Variants in FAT1 observed in about 807,000 individuals in gnomAD.
The protein encoded by FAT1 is protocadherin Fat 1.
FAT1 carries 171 observed loss-of-function variants against 329.8 expected under a neutral mutation model. The observed-to-expected ratio is 0.52, with a 90% CI of 0.46 to 0.59. FAT1 has a LOEUF of 0.59. Ranked by LOEUF, FAT1 falls within the 20% of genes least tolerant of loss-of-function variation. FAT1 has a pLI of 0.00. For missense variants in FAT1, 5,672 were observed against 5,774.4 expected, an observed-to-expected ratio of 0.98 and a Z score of 0.57; for synonymous variants, 2,233 against 2,228.6, an observed-to-expected ratio of 1.00 and a Z score of -0.06.
intron 26 of FAT1, chr4:186,592,679 A>T (rs1242249370): frequency 2.2e-6 from 1 of 456,692 alleles, no homozygotes. Flanking sequence ...AAGCACGAGC[A>T]CTTACAACTG....
At chr4:186,610,106 T>TTA (rs1456487017) in intron 14 of FAT1, 91 bp from the exon 15 acceptor site, 1 of 740,756 alleles carries the variant, frequency 1.3e-6, no homozygotes, top group African/African-American at 1.8e-5. Context: ...TTGAGTACAT[T>TTA]TAGTTTTCAC....
chr4:186,651,432 A>G (rs541765372), intron 3 of FAT1, among the ~76,000 whole-genome samples: 1 of 152,338 alleles, frequency 6.6e-6, no homozygotes, highest in South Asian at 2.1e-4. Context: ...CATCAAGGGC[A>G]GCATTTGTCT....
intron 2 of FAT1, among the ~76,000 whole-genome samples, chr4:186,705,219 C>T (rs1744519843): frequency 6.6e-6 from 1 of 151,518 alleles, no homozygotes; most frequent in Non-Finnish European, 1.5e-5. Context: ...GCTGCGATTA[C>T]AGGCGTGAGC....
At chr4:186,667,453 T>C (rs993985880) in intron 2 of FAT1, among the ~76,000 whole-genome samples, 1 of 152,240 alleles carries the variant, frequency 6.6e-6, no homozygotes, top group Middle Eastern at 3.2e-3. Context: ...TGCTGGATGT[T>C]CCTATTTCAT....
chr4:186,698,752 C>T (rs966685982), intron 2 of FAT1, among the ~76,000 whole-genome samples: 13 of 152,156 alleles, frequency 8.5e-5, no homozygotes, highest in South Asian at 6.2e-4. Flanking sequence ...TAGGGCAATG[C>T]GGCTCCGCCA....
chr4:186,595,155 A>G (rs1033394747), intron 26 of FAT1, among the ~76,000 whole-genome samples: 6 of 152,150 alleles, frequency 3.9e-5, no homozygotes, highest in African/African-American at 1.4e-4. Flanking sequence ...AATCTCTTAA[A>G]CTGTGCTCTG....
chr4:186,641,515 G>A (rs908998394), intron 3 of FAT1, among the ~76,000 whole-genome samples: 1 of 152,146 alleles, frequency 6.6e-6, no homozygotes, highest in African/African-American at 2.4e-5. Flanking sequence ...CCACCAAGAA[G>A]TTGTGATTGA....
Position 186,620,045 on chromosome 4 carries a change from C to G in FAT1, c.6541G>C (p.Val2181Leu), listed in dbSNP as rs369172979. 2 of 1,613,906 alleles carry G rather than the reference C, an allele frequency of 1.2e-6. No homozygotes were observed. Among genetic ancestry groups the G allele is most frequent in the Non-Finnish European group, 1.7e-6 (2 of 1,179,906 alleles). ...GCACTGTAGAAAGGTTTTTCAAACA[C>G]AGGCATGGCTTTATTCATGACAGTG... is the stretch of plus-strand genomic sequence containing the variant. ...PITVMNKAMP[V>L]FEKPFYSAEI... The change falls in exon 10 of 27, where the codon GTG becomes CTG. Residue 2181 changes from valine (V) to leucine (L), a missense_variant. Coordinates refer to ENST00000441802, the MANE Select transcript of FAT1 (RefSeq NM_005245.4).
At position 186,707,494 on chromosome 4, in the gene FAT1, A is replaced by G. The variant is rs756534757; in HGVS notation, c.2334T>C (p.Ser778=). Residue 778 remains serine, a synonymous_variant, in exon 2 of 27, where the codon TCT becomes TCC. Transcript: ENST00000441802. ...DMETGMLKIL[S]PLDRETTDKY... Reference sequence around the variant, plus strand: ...TGTCTGTTGTTTCACGGTCAAGAGGAGATAAAATTTTCAGCATTCCTGTTT... The same window carrying G: ...TGTCTGTTGTTTCACGGTCAAGAGGGGATAAAATTTTCAGCATTCCTGTTT... The G allele has an allele frequency of 6.2e-7, 1 of 1,614,002 alleles. No homozygotes were observed. The highest frequency in any genetic ancestry group is 8.5e-7 in the Non-Finnish European group (1 of 1,179,902).
At chr4:186,674,842 T>C (rs1427229898) in intron 2 of FAT1, among the ~76,000 whole-genome samples, 2 of 152,114 alleles carry the variant, frequency 1.3e-5, no homozygotes, top group African/African-American at 4.8e-5. Context: ...GAGTACAGCC[T>C]GGACAACATG....
chr4:186,622,933 G>A (rs1017663359), intron 9 of FAT1, among the ~76,000 whole-genome samples: 9 of 152,242 alleles, frequency 5.9e-5, no homozygotes, highest in African/African-American at 2.2e-4. Flanking sequence ...TGCCACGAGT[G>A]TGGCATTTCA....
chr4:186,604,968 C>T (rs1175582679), intron 17 of FAT1, among the ~76,000 whole-genome samples: 1 of 151,832 alleles, frequency 6.6e-6, no homozygotes, highest in Non-Finnish European at 1.5e-5. Context: ...CCTGTCATCC[C>T]AGCACTTTGG....
intron 3 of FAT1, among the ~76,000 whole-genome samples, chr4:186,646,726 G>A (rs201793758): frequency 1.4e-5 from 2 of 147,610 alleles, no homozygotes; most frequent in African/African-American, 5.0e-5. Flanking sequence ...AACCTACATA[G>A]AAAAAAAAAA....
intron 6 of FAT1, among the ~76,000 whole-genome samples, chr4:186,634,459 G>A (rs1166612264): frequency 6.6e-6 from 1 of 152,016 alleles, no homozygotes; most frequent in East Asian, 1.9e-4. Context: ...GAAAATAGAG[G>A]TTTAATGTCA....
chr4:186,699,675 G>A (rs1368135362), intron 2 of FAT1, among the ~76,000 whole-genome samples: 11 of 147,042 alleles, frequency 7.5e-5, no homozygotes, highest in African/African-American at 2.8e-4. Context: ...CTATTTATAA[G>A]CAGCATGGTC....
chr4:186,680,425 A>G (rs1311762128), intron 2 of FAT1, among the ~76,000 whole-genome samples: 1 of 152,242 alleles, frequency 6.6e-6, no homozygotes, highest in Non-Finnish European at 1.5e-5. Flanking sequence ...AACACTGAAT[A>G]GGCTTTAATT....
Position 186,636,027 on chromosome 4 carries a change from G to C in FAT1, c.4181C>G (p.Thr1394Ser), listed in dbSNP as rs1740800484. 2 of 1,613,678 alleles carry C rather than the reference G, an allele frequency of 1.2e-6. No individual in the cohort carries two copies. The highest frequency in any genetic ancestry group is 1.1e-5 in the South Asian group (1 of 91,076). The change falls in exon 6 of 27, where the codon ACT (threonine) becomes AGT (serine). Residue 1394 changes from threonine to serine, a missense_variant and splice_region_variant. This residue lies in a region of FAT1 where 3,966 missense variants were observed against 3,915.2 expected (regional missense o/e 1.01). Transcript: ENST00000441802. ...PPGIPLWFDI[T>S]GGNYDSHFDV... ...CGAAAATGAGGGGGAATGCTTACCA[G>C]TGATGTCAAACCAAAGGGGTATGCC...
chr4:186,668,957 ACTT>A (rs1438797883), intron 2 of FAT1, among the ~76,000 whole-genome samples: 6 of 152,320 alleles, frequency 3.9e-5, no homozygotes, highest in African/African-American at 1.4e-4. Flanking sequence ...TTCAATAAGT[ACTT>A]TTTTATATAG....
At chr4:186,602,755 T>C (rs1002996925) in intron 20 of FAT1, 148 bp downstream of exon 20, 2 of 901,322 alleles carry the variant, frequency 2.2e-6, no homozygotes, top group Admixed American at 2.9e-5. Flanking sequence ...CAAAACTTAC[T>C]ACTGTCATTC....
Sources: allele counts gnomAD v4.1 joint callset (sites outside exome capture counted in the v4.1 genomes callset), GRCh38; gene constraint gnomAD v4.1.1; regional missense constraint gnomAD v4.1.1; transcripts MANE v1.5; gene names NCBI Gene and HGNC (gene_info 2026-07-23, HGNC 2026-07-21).